DNAJC3: variants seen among roughly 807,000 people sequenced by gnomAD.
DNAJC3 encodes dnaJ homolog subfamily C member 3.
In DNAJC3, 38 loss-of-function variants were observed where a neutral mutation model predicts 68.6. That is an observed-to-expected ratio of 0.55 (90% confidence interval 0.43 to 0.73). DNAJC3 has a LOEUF of 0.73. DNAJC3 is among the 30% of genes least tolerant of loss of function. The pLI is 0.00. For synonymous variants in DNAJC3, 203 were observed against 204.0 expected, an observed-to-expected ratio of 1.00 and a Z score of 0.04; for missense variants, 526 against 591.9, an observed-to-expected ratio of 0.89 and a Z score of 1.16.
At chr13:95,695,138 T>G (rs1195340242) in intron 1 of DNAJC3, 1 of 152,228 alleles carries the variant, frequency 6.6e-6, no homozygotes, top group Admixed American at 6.5e-5. Flanking sequence ...TTCATCATTA[T>G]AGCCGTAGCA....
intron 9 of DNAJC3, among the ~76,000 whole-genome samples, chr13:95,766,480 G>A (rs901285797): frequency 6.6e-6 from 1 of 152,202 alleles, no homozygotes; most frequent in Non-Finnish European, 1.5e-5. Flanking sequence ...TAACTCAGGT[G>A]TCCTTATGAA....
chr13:95,787,492 T>C (rs1883636886), intron 11 of DNAJC3, among the ~76,000 whole-genome samples: 1 of 152,108 alleles, frequency 6.6e-6, no homozygotes, highest in Admixed American at 6.5e-5. Context: ...CAAAGGTCAA[T>C]GATGAATTTT....
intron 9 of DNAJC3, among the ~76,000 whole-genome samples, chr13:95,774,215 G>C (rs1190524922): frequency 6.6e-6 from 1 of 152,110 alleles, no homozygotes; most frequent in Non-Finnish European, 1.5e-5. Context: ...AGCATTTAAA[G>C]TTGCACCTTT....
At chr13:95,742,932 T>C in intron 4 of DNAJC3, 2 of 454,730 alleles carry the variant, frequency 4.4e-6, no homozygotes, top group South Asian at 3.1e-5. Flanking sequence ...AAGCCCATAG[T>C]CTATTTGAGT....
At position 95,679,199 on chromosome 13, in the gene DNAJC3, C is replaced by CTTTTTT. The variant is rs3086610; in HGVS notation, c.82+1878_82+1883dup. ...TGGCAGCTGAGAAAAAAAATCAGCA[C>CTTTTTT]TTTTTTTTTTTTTTTTTTTTTGTAA... is the stretch of plus-strand genomic sequence containing the variant. On this transcript the variant is annotated intron_variant, in intron 1 of 11. Coordinates refer to ENST00000602402, the MANE Select transcript of DNAJC3 (RefSeq NM_006260.5). Among the ~76,000 whole-genome samples, 545 of 108,328 alleles carry CTTTTTT rather than the reference C, an allele frequency of 5.0e-3. 15 individuals are homozygous for CTTTTTT. The highest frequency in any genetic ancestry group is 0.02 in the African/African-American group (518 of 25,396). 71.1% of individuals were successfully genotyped at this position (108,328 alleles called of 152,430 possible). A position where few individuals can be genotyped will look rare whatever the true frequency, so the allele number is the denominator to read the frequency against.
In DNAJC3 at chr13:95,787,075, T is replaced by G; in HGVS notation, c.1277T>G (p.Phe426Cys). 1 of 1,613,920 alleles carries G rather than the reference T, an allele frequency of 6.2e-7. No individual in the cohort carries two copies. The highest frequency in any genetic ancestry group is 2.2e-5 in the East Asian group (1 of 44,868). ...KLALQWHPDN[F>C]QNEEEKKKAE... Reference sequence around the variant, plus strand: ...GCACTGCAGTGGCACCCAGATAACTTCCAGAATGAAGAAGAAAAGAAAAAA... The same window carrying G: ...GCACTGCAGTGGCACCCAGATAACTGCCAGAATGAAGAAGAAAAGAAAAAA... Residue 426 changes from phenylalanine (F) to cysteine (C), a missense_variant, in exon 11 of 12, where the codon TTC becomes TGC. By Grantham distance (205) the Phe-to-Cys change is radical (BLOSUM62 -2). Transcript: ENST00000602402.
intron 1 of DNAJC3, among the ~76,000 whole-genome samples, chr13:95,683,323 A>G (rs1478547833): frequency 6.6e-6 from 1 of 152,120 alleles, no homozygotes. Flanking sequence ...CCCAAATCTC[A>G]TGTTCAGCTG....
At chr13:95,769,550 C>G (rs963757608) in intron 9 of DNAJC3, among the ~76,000 whole-genome samples, 4 of 152,332 alleles carry the variant, frequency 2.6e-5, no homozygotes, top group African/African-American at 7.2e-5. Context: ...CTGAAACTTC[C>G]ACCTCTTGAA....
At chr13:95,742,630 T>A (rs1002325968) in intron 4 of DNAJC3, 3 of 511,184 alleles carry the variant, frequency 5.9e-6, no homozygotes, top group Admixed American at 2.0e-5. Context: ...CTTCTTCTTC[T>A]TAGGTGTTTC....
rs3051424 is a variant in DNAJC3, at chr13:95,764,347, TTCTCTCTCTCTC to T, written c.1075+412_1075+423del. Among the ~76,000 whole-genome samples the T allele has an allele frequency of 9.9e-4, 129 of 130,080 alleles. 1 individual carries two copies. The highest frequency in any genetic ancestry group is 3.5e-3 in the African/African-American group (120 of 33,850). 85.3% of individuals were successfully genotyped at this position (130,080 alleles called of 152,430 possible). A position where few individuals can be genotyped will look rare whatever the true frequency, so the allele number is the denominator to read the frequency against. On this transcript the variant is annotated intron_variant, in intron 9 of 11. Transcript: ENST00000602402. The stretch of plus-strand genomic sequence containing the variant: ...TCTATATTTTATGCACATATACATA[TTCTCTCTCTCTC>T]TCTCTCTCTCTCTCTCTATATATAT...
chr13:95,733,952 C>T (rs1216516357), intron 4 of DNAJC3, among the ~76,000 whole-genome samples: 2 of 152,092 alleles, frequency 1.3e-5, no homozygotes, highest in South Asian at 2.1e-4. Context: ...TTTAAATAAC[C>T]TTGAAAAGTT....
At chr13:95,741,194 A>G (rs576625947) in intron 4 of DNAJC3, among the ~76,000 whole-genome samples, 7 of 151,810 alleles carry the variant, frequency 4.6e-5, no homozygotes, top group Non-Finnish European at 8.8e-5. Context: ...CATGTCTTTG[A>G]ATTTTTTGGA....
At chr13:95,757,989 G>A (rs1882715156) in intron 5 of DNAJC3, among the ~76,000 whole-genome samples, 193 bp downstream of exon 5, 1 of 152,146 alleles carries the variant, frequency 6.6e-6, no homozygotes, top group African/African-American at 2.4e-5. Context: ...TAAATGTACT[G>A]AATGTGCTGT....
At chr13:95,755,756 CAAAAAAAAAAAAAAAA>C (rs56659621) in intron 4 of DNAJC3, among the ~76,000 whole-genome samples, 412 of 15,100 alleles carry the variant, frequency 0.027, 5 homozygotes, top group South Asian at 0.18. Context: ...GACGCCGTCT[CAAAAAAAAAAAAAAAA>C]AAAAAAAAAA....
At chr13:95,704,861 T>G (rs866742942) in intron 1 of DNAJC3, among the ~76,000 whole-genome samples, 1 of 140,514 alleles carries the variant, frequency 7.1e-6, no homozygotes, top group African/African-American at 3.0e-5. Context: ...GTTTTTTTTT[T>G]TTTTTTTTGA....
chr13:95,758,779 A>T (rs1882739448), intron 5 of DNAJC3, among the ~76,000 whole-genome samples: 1 of 152,180 alleles, frequency 6.6e-6, no homozygotes, highest in African/African-American at 2.4e-5. Context: ...GTCGTAATTC[A>T]CATTTATTTG....
At chr13:95,686,616 T>C (rs1228407829) in intron 1 of DNAJC3, among the ~76,000 whole-genome samples, 1 of 152,222 alleles carries the variant, frequency 6.6e-6, no homozygotes, top group Non-Finnish European at 1.5e-5. Context: ...CAGCACCATT[T>C]ATTGAATTAG....
intron 2 of DNAJC3, among the ~76,000 whole-genome samples, chr13:95,719,831 TTATACA>T (rs1881261967): frequency 6.6e-6 from 1 of 152,202 alleles, no homozygotes; most frequent in African/African-American, 2.4e-5. Flanking sequence ...AATACAAAAG[TTATACA>T]CAGTCCTCTG....
intron 9 of DNAJC3, among the ~76,000 whole-genome samples, chr13:95,767,518 A>G (rs1291404745): frequency 6.6e-6 from 1 of 152,138 alleles, no homozygotes; most frequent in Non-Finnish European, 1.5e-5. Flanking sequence ...CCCGCTTTCA[A>G]TTCTTTTGGA....
Sources: allele counts gnomAD v4.1 joint callset (sites outside exome capture counted in the v4.1 genomes callset), GRCh38; gene constraint gnomAD v4.1.1; transcripts MANE v1.5; gene names NCBI Gene and HGNC (gene_info 2026-07-23, HGNC 2026-07-21).